The following CABIN1 variants were observed in gnomAD, a reference collection of about 807,000 sequenced individuals.
CABIN1 encodes the protein calcineurin-binding protein cabin-1.
CABIN1 carries 133 observed loss-of-function variants against 227.7 expected under a neutral mutation model. That is an observed-to-expected ratio of 0.58 (90% CI 0.51 to 0.67). The LOEUF is 0.67. CABIN1 is among the 30% of genes least tolerant of loss of function. The pLI is 0.00. For missense variants in CABIN1, 2,408 were observed against 2,852.5 expected (o/e 0.84, Z 3.55); for synonymous variants, 1,086 against 1,155.1 (o/e 0.94, Z 1.21).
intron 1 of CABIN1, among the ~76,000 whole-genome samples, chr22:24,025,351 C>T (rs961808994): frequency 2.0e-5 from 3 of 152,174 alleles, no homozygotes; most frequent in African/African-American, 4.8e-5. Flanking sequence ...AAAAGGTGTT[C>T]CATCTCTTTA....
intron 8 of CABIN1, among the ~76,000 whole-genome samples, chr22:24,051,496 G>A (rs561304465): frequency 2.6e-5 from 4 of 152,186 alleles, no homozygotes; most frequent in South Asian, 2.1e-4. Context: ...AATTGGTATC[G>A]GCGGTTCCCT....
intron 23 of CABIN1, among the ~76,000 whole-genome samples, chr22:24,090,487 C>T (rs1333173379): frequency 6.6e-6 from 1 of 151,714 alleles, no homozygotes; most frequent in Non-Finnish European, 1.5e-5. Flanking sequence ...GTATTTCACC[C>T]ATTGATGATC....
In CABIN1 at chr22:24,064,063, A is replaced by G. The variant is rs370711209; in HGVS notation, c.1913A>G (p.Tyr638Cys). ...GACATGGAGCAGGCCCTGGAGAACTATGACATCTGCACAGAAATGCTCCAG... is the reference window on the plus strand; with the variant it reads ...GACATGGAGCAGGCCCTGGAGAACTGTGACATCTGCACAGAAATGCTCCAG... ...QGDMEQALEN[Y>C]DICTEMLQSS... Residue 638 changes from tyrosine to cysteine, a missense_variant, in exon 15 of 37, where the codon TAT becomes TGT. Transcript: ENST00000263119. 6.2e-7 allele frequency: 1 copy of G among 1,614,184 alleles called. No homozygotes were observed. Among genetic ancestry groups the G allele is most frequent in the South Asian group, 1.1e-5 (1 of 91,084 alleles).
chr22:24,071,182 G>T (rs187924117), intron 17 of CABIN1, 140 bp downstream of exon 17: 138 of 1,199,738 alleles, frequency 1.2e-4, no homozygotes, highest in Non-Finnish European at 1.6e-4. Context: ...TGGAACTTTC[G>T]GGATCTGAGG....
At chr22:24,016,567 C>G (rs1247370854) in intron 1 of CABIN1, among the ~76,000 whole-genome samples, 1 of 152,144 alleles carries the variant, frequency 6.6e-6, no homozygotes, top group Non-Finnish European at 1.5e-5. Context: ...TAAGCTGCTT[C>G]CATTATCTTG....
At chr22:24,155,026 G>C (rs535463195) in intron 29 of CABIN1, among the ~76,000 whole-genome samples, 26 of 152,230 alleles carry the variant, frequency 1.7e-4, no homozygotes, top group Admixed American at 1.0e-3. Context: ...GGGGGCAAAG[G>C]GTTGGGGGTG....
At chr22:24,042,713 A>G (rs1353291644) in intron 5 of CABIN1, among the ~76,000 whole-genome samples, 191 bp from the exon 6 acceptor site, 1 of 152,088 alleles carries the variant, frequency 6.6e-6, no homozygotes, top group Non-Finnish European at 1.5e-5. Context: ...CTTGTCAGTT[A>G]TAAGATAGTC....
intron 29 of CABIN1, among the ~76,000 whole-genome samples, chr22:24,163,786 T>TA (rs2046293322): frequency 6.6e-6 from 1 of 152,086 alleles, no homozygotes; most frequent in South Asian, 2.1e-4. Flanking sequence ...CTGCAGCAGG[T>TA]AAAGCAAGGA....
At chr22:24,156,290 C>G (rs1231478794) in intron 29 of CABIN1, among the ~76,000 whole-genome samples, 1 of 152,126 alleles carries the variant, frequency 6.6e-6, no homozygotes, top group Non-Finnish European at 1.5e-5. Flanking sequence ...CCGGCGCCCC[C>G]GCGGAGGAAA....
At chr22:24,055,422 C>G (rs557835266) in intron 9 of CABIN1, among the ~76,000 whole-genome samples, 1 of 152,224 alleles carries the variant, frequency 6.6e-6, no homozygotes, top group Non-Finnish European at 1.5e-5. Flanking sequence ...CTTGACAGTT[C>G]CCCCAGGACC....
At chr22:24,078,711 A>G (rs1332222324) in intron 19 of CABIN1, among the ~76,000 whole-genome samples, 1 of 151,708 alleles carries the variant, frequency 6.6e-6, no homozygotes, top group Non-Finnish European at 1.5e-5. Context: ...TTGTGTGCCC[A>G]CCCCCCTTCT....
chr22:24,086,821 A>G (rs2041201227), intron 22 of CABIN1, among the ~76,000 whole-genome samples: 1 of 152,102 alleles, frequency 6.6e-6, no homozygotes, highest in Non-Finnish European at 1.5e-5. Context: ...CTCAGCCATC[A>G]TGTGGTCCCT....
At chr22:24,063,709 G>A (rs1422705021) in intron 14 of CABIN1, among the ~76,000 whole-genome samples, 1 of 152,192 alleles carries the variant, frequency 6.6e-6, no homozygotes, top group Non-Finnish European at 1.5e-5. Flanking sequence ...AAGCAACACT[G>A]TTTGATGTGA....
intron 6 of CABIN1, among the ~76,000 whole-genome samples, chr22:24,047,880 C>A (rs2147238786): frequency 6.6e-6 from 1 of 152,380 alleles, no homozygotes; most frequent in South Asian, 2.1e-4. Flanking sequence ...AGTGCCCAGG[C>A]AGAGCTGGCA....
Position 24,029,296 on chromosome 22 carries a change from G to A in CABIN1, c.-74-6148G>A, listed in dbSNP as rs545144582. On this transcript the variant is annotated intron_variant, in intron 1 of 36. Transcript: ENST00000263119. ...TTGAACCCAGGAGTTGGAGGTTGCA[G>A]TGAGCCTCAAGCCAAGGCCTTAAGC... Among the ~76,000 whole-genome samples the A allele has an allele frequency of 2.9e-3, 438 of 152,340 alleles. 2 individuals are homozygous for A. The highest frequency in any genetic ancestry group is 2.9e-3 in the Non-Finnish European group (200 of 68,038).
intron 9 of CABIN1, 104 bp from the exon 10 acceptor site, chr22:24,056,088 T>G (rs13058097): frequency 0.023 from 22,625 of 994,638 alleles, 346 homozygotes; most frequent in South Asian, 0.033. Flanking sequence ...GTCAAAGAGT[T>G]TAATGCTAGT....
At chr22:24,059,791 CA>C in intron 11 of CABIN1, 132 bp from the exon 12 acceptor site, 1 of 824,874 alleles carries the variant, frequency 1.2e-6, no homozygotes. Context: ...CTCAGCACCA[CA>C]ACGTGGTATC....
At chr22:24,122,093 T>C (rs2043449852) in intron 28 of CABIN1, among the ~76,000 whole-genome samples, 1 of 143,330 alleles carries the variant, frequency 7.0e-6, no homozygotes, top group African/African-American at 2.6e-5. Flanking sequence ...TGGCTTTATG[T>C]TGAATTTGAA....
At chr22:24,097,154 CT>C (rs2041942912) in intron 25 of CABIN1, among the ~76,000 whole-genome samples, 1 of 152,174 alleles carries the variant, frequency 6.6e-6, no homozygotes. Flanking sequence ...TACAATGATA[CT>C]TTCTTTCATT....
Sources: allele counts gnomAD v4.1 joint callset (sites outside exome capture counted in the v4.1 genomes callset), GRCh38; gene constraint gnomAD v4.1.1; transcripts MANE v1.5; gene names NCBI Gene and HGNC (gene_info 2026-07-23, HGNC 2026-07-21).